ERLEC1: variants seen among roughly 807,000 people sequenced by gnomAD.
The protein encoded by ERLEC1 is ER lectin.
ERLEC1 carries 47 observed loss-of-function variants against 68.0 expected under a neutral mutation model. The ratio of observed to expected loss-of-function variants is 0.69; its 90% confidence interval spans 0.55 to 0.88. The LOEUF (loss-of-function observed/expected upper bound fraction) is 0.88, where lower values mean the gene tolerates loss of function less well. Ranked by LOEUF, ERLEC1 falls within the 40% of genes least tolerant of loss-of-function variation. The pLI is 0.00. For missense variants in ERLEC1, 567 were observed against 583.8 expected, an observed-to-expected ratio of 0.97 and a Z score of 0.30; for synonymous variants, 225 against 203.2, an observed-to-expected ratio of 1.11 and a Z score of -0.91.
chr2:53,813,875 G>A (rs867871400), intron 11 of ERLEC1, among the ~76,000 whole-genome samples: 1 of 151,890 alleles, frequency 6.6e-6, no homozygotes, highest in African/African-American at 2.4e-5. Flanking sequence ...TGCCATGCTG[G>A]TGTGCTGCAC....
In ERLEC1 at chr2:53,818,001, A is replaced by G. The variant is rs1204467606; in HGVS notation, c.*32A>G. On this transcript the variant is annotated 3_prime_UTR_variant, in exon 14 of 14. Transcript: ENST00000185150. Reference sequence around the variant, plus strand: ...TTAAAGTTAGGGGAAAGAAAAGATCATTGAAAGTCATGATAATTTCTGTCC... The same window carrying G: ...TTAAAGTTAGGGGAAAGAAAAGATCGTTGAAAGTCATGATAATTTCTGTCC... 7 of 1,284,420 alleles carry G rather than the reference A, an allele frequency of 5.4e-6. No homozygotes were observed. The highest frequency in any genetic ancestry group is 8.0e-6 in the Non-Finnish European group (7 of 880,332). 79.6% of individuals were successfully genotyped at this position (1,284,420 alleles called of 1,614,324 possible). A position where few individuals can be genotyped will look rare whatever the true frequency, so the allele number is the denominator to read the frequency against.
chr2:53,812,567 CTAGG>C (rs1676646755), intron 10 of ERLEC1, among the ~76,000 whole-genome samples: 1 of 151,992 alleles, frequency 6.6e-6, no homozygotes, highest in African/African-American at 2.4e-5. Context: ...ATAGTATTAT[CTAGG>C]TATGAGAGAT....
intron 8 of ERLEC1, among the ~76,000 whole-genome samples, chr2:53,808,094 C>G (rs1162288925): frequency 6.6e-6 from 1 of 151,882 alleles, no homozygotes; most frequent in Non-Finnish European, 1.5e-5. Flanking sequence ...TTAGGATGGT[C>G]GTAACTGATA....
intron 1 of ERLEC1, among the ~76,000 whole-genome samples, chr2:53,792,323 C>G (rs1174667565): frequency 1.3e-5 from 2 of 151,506 alleles, no homozygotes; most frequent in African/African-American, 4.9e-5. Context: ...CTTACAGTGG[C>G]TTTTTAAACA....
At chr2:53,808,232 A>T in intron 8 of ERLEC1, 67 bp from the exon 9 acceptor site, 1 of 1,519,034 alleles carries the variant, frequency 6.6e-7, no homozygotes, top group South Asian at 1.2e-5. Context: ...ATAATAACTT[A>T]AGCCATAACT....
intron 6 of ERLEC1, 74 bp downstream of exon 6, chr2:53,799,155 G>A: frequency 8.0e-7 from 1 of 1,251,952 alleles, no homozygotes; most frequent in Non-Finnish European, 1.2e-6. Context: ...TAACCCAAGT[G>A]ACAGAATATA....
Sources: allele counts gnomAD v4.1 joint callset (sites outside exome capture counted in the v4.1 genomes callset), GRCh38; gene constraint gnomAD v4.1.1; transcripts MANE v1.5; gene names NCBI Gene and HGNC (gene_info 2026-07-23, HGNC 2026-07-21).